MS4A12: variants seen among roughly 807,000 people sequenced by gnomAD.
The protein encoded by MS4A12 is membrane-spanning 4-domains subfamily A member 12.
MS4A12 carries 28 observed loss-of-function variants against 23.7 expected under a neutral mutation model. That is an observed-to-expected ratio of 1.18 (90% CI 0.88 to 1.62). The LOEUF is 1.62. MS4A12 is among the 40% of genes most tolerant of loss of function. The pLI, the probability that MS4A12 is intolerant of heterozygous loss-of-function variation, is 0.00. For synonymous variants in MS4A12, 108 were observed against 110.1 expected (o/e 0.98, Z 0.12); for missense variants, 342 against 327.0 (o/e 1.05, Z -0.35).
At chr11:60,505,656 G>A (rs1417012040) in intron 5 of MS4A12, among the ~76,000 whole-genome samples, 1 of 151,970 alleles carries the variant, frequency 6.6e-6, no homozygotes, top group Non-Finnish European at 1.5e-5. Flanking sequence ...AAGAAGGGAA[G>A]CCAAAAAAAA....
At chr11:60,504,072 G>C (rs145543512) in intron 5 of MS4A12, among the ~76,000 whole-genome samples, 1 of 152,162 alleles carries the variant, frequency 6.6e-6, no homozygotes, top group Admixed American at 6.6e-5. Context: ...GGAAGGGTTT[G>C]GATAGGCCTC....
chr11:60,494,257 A>G (rs1742423198), intron 1 of MS4A12, among the ~76,000 whole-genome samples: 1 of 152,226 alleles, frequency 6.6e-6, no homozygotes, highest in African/African-American at 2.4e-5. Flanking sequence ...TCTGGGTTCT[A>G]TGTGAAATTT....
intron 2 of MS4A12, 47 bp from the exon 3 acceptor site, chr11:60,500,998 G>A (rs763737052): frequency 1.9e-5 from 30 of 1,559,378 alleles, no homozygotes; most frequent in East Asian, 9.2e-5. Context: ...TGTTTCACAC[G>A]TCTGAAAGTG....
In MS4A12 at chr11:60,501,172, G is replaced by A; in HGVS notation, c.404G>A (p.Gly135Asp). The A allele has an allele frequency of 6.2e-7, 1 of 1,607,228 alleles. No homozygotes were observed. The highest frequency in any genetic ancestry group is 8.5e-7 in the Non-Finnish European group (1 of 1,178,002). The change falls in exon 3 of 7, where the codon GGT (glycine) becomes GAT (aspartate). Residue 135 changes from glycine to aspartate, a missense_variant. Physicochemically the swap from Gly to Asp is moderately conservative, Grantham distance 94 (BLOSUM62 -1). Coordinates refer to ENST00000016913, the MANE Select transcript of MS4A12 (RefSeq NM_017716.3). ...GTTATTGGTGGATACCCATTCTGGG[G>A]TGGCCTTTCTGTGAGTAGATTGCTA... The part of the protein sequence containing the change: ...TAVIGGYPFW[G>D]GLSFIISGSL...
chr11:60,499,511 T>G (rs973780337), intron 2 of MS4A12, among the ~76,000 whole-genome samples: 4 of 152,210 alleles, frequency 2.6e-5, no homozygotes, highest in African/African-American at 9.7e-5. Context: ...TTAAGTGAGA[T>G]AGGCTAAACG....
rs2086578725 is a variant in MS4A12, at chr11:60,507,310, AC to A, written c.*187del. On this transcript the variant is annotated 3_prime_UTR_variant, in exon 7 of 7. Coordinates refer to ENST00000016913, the MANE Select transcript of MS4A12 (RefSeq NM_017716.3). Reference sequence around the variant, plus strand: ...CACTGTCTCTTCCTACATTACCACTACTACATGCTGGCAAAGGTGAAGGATC... The same window carrying A: ...CACTGTCTCTTCCTACATTACCACTATACATGCTGGCAAAGGTGAAGGATC... The A allele has an allele frequency of 1.8e-6, 1 of 563,484 alleles. No homozygotes were observed. The highest frequency in any genetic ancestry group is 3.1e-6 in the Non-Finnish European group (1 of 318,926). 34.9% of individuals were successfully genotyped at this position (563,484 alleles called of 1,614,324 possible).
chr11:60,507,169 C>A lies in MS4A12; in HGVS notation c.*45C>A. On this transcript the variant is annotated 3_prime_UTR_variant, in exon 7 of 7. Coordinates refer to ENST00000016913, the MANE Select transcript of MS4A12 (RefSeq NM_017716.3). ...AGTCTAATCTCATGGAGAAAAACTA[C>A]TTGCAAAAACTTCTTAAGAAGATGT... is the stretch of plus-strand genomic sequence containing the variant. 7.1e-7 allele frequency: 1 copy of A among 1,398,844 alleles called. No individual in the cohort carries two copies. The highest frequency in any genetic ancestry group is 1.2e-5 in the South Asian group (1 of 84,700). 86.7% of individuals were successfully genotyped at this position (1,398,844 alleles called of 1,614,324 possible).
Position 60,502,163 on chromosome 11 carries a change from T to C in MS4A12, c.471+124T>C. On this transcript the variant is annotated intron_variant, in intron 4 of 6. Coordinates refer to ENST00000016913, the MANE Select transcript of MS4A12 (RefSeq NM_017716.3). ...AGCACCTTTCCCAAAAAAAATCTAT[T>C]GGTTGCCTTATGGTCTGAGCGCTGG... 5.1e-6 allele frequency: 5 copies of C among 982,682 alleles called. 1 individual carries two copies. In the South Asian group the frequency reaches 7.5e-5, roughly 15 times the overall value. 60.9% of individuals were successfully genotyped at this position (982,682 alleles called of 1,614,324 possible). A position where few individuals can be genotyped will look rare whatever the true frequency, so the allele number is the denominator to read the frequency against.
chr11:60,503,938 C>T, intron 5 of MS4A12, 121 bp downstream of exon 5: 1 of 783,930 alleles, frequency 1.3e-6, no homozygotes, highest in Non-Finnish European at 2.0e-6. Flanking sequence ...TATTCTAGCC[C>T]CACCCCTAGT....
In MS4A12 at chr11:60,507,255, T is replaced by A; in HGVS notation, c.*131T>A. On this transcript the variant is annotated 3_prime_UTR_variant, in exon 7 of 7. Coordinates refer to ENST00000016913, the MANE Select transcript of MS4A12 (RefSeq NM_017716.3). ...ACTGTGTTTGAGATTTGTTTTTAGG[T>A]TGGTCGCTAATGATGGCTGTATCTC... 1 of 738,154 alleles carries A rather than the reference T, an allele frequency of 1.4e-6. No individual in the cohort carries two copies. The highest frequency in any genetic ancestry group is 2.2e-6 in the Non-Finnish European group (1 of 448,798). The allele number at this position is 738,154 out of a possible 1,614,324, so 45.7% of individuals were successfully genotyped here.
At chr11:60,495,287 GA>G (rs560979577) in intron 1 of MS4A12, among the ~76,000 whole-genome samples, 9 of 146,568 alleles carry the variant, frequency 6.1e-5, no homozygotes, top group South Asian at 2.2e-4. Context: ...TTTCCATTTT[GA>G]AAAAAAAAAT....
At chr11:60,502,370 A>T (rs1413389782) in intron 4 of MS4A12, among the ~76,000 whole-genome samples, 1 of 152,234 alleles carries the variant, frequency 6.6e-6, no homozygotes. Context: ...TCCAGGAGCC[A>T]GGAAATACAT....
Position 60,506,754 on chromosome 11 carries a change from G to A in MS4A12, c.615G>A (p.Thr205=), listed in dbSNP as rs141480500. The A allele has an allele frequency of 1.1e-5, 18 of 1,613,974 alleles. No individual in the cohort carries two copies. The highest frequency in any genetic ancestry group is 1.6e-4 in the Middle Eastern group (1 of 6,084). ...AVLSGKGISA[T]LMIFSLLEFF... is the part of the protein sequence containing the mutation. ...TTTCTGGAAAAGGCATTTCAGCCAC[G>A]CTGATGATCTTCTCCCTCTTGGAGT... Residue 205 remains threonine (T), a synonymous_variant, in exon 6 of 7, where the codon ACG becomes ACA. Transcript: ENST00000016913.
Position 60,502,023 on chromosome 11 carries a change from A to T in MS4A12, c.455A>T (p.Glu152Val). The T allele has an allele frequency of 1.9e-6, 3 of 1,612,870 alleles. No homozygotes were observed. Among genetic ancestry groups the T allele is most frequent in the Non-Finnish European group, 2.5e-6 (3 of 1,178,868 alleles). The change falls in exon 4 of 7, where the codon GAG becomes GTG. Residue 152 changes from glutamate to valine, a missense_variant. Coordinates refer to ENST00000016913, the MANE Select transcript of MS4A12 (RefSeq NM_017716.3). ...TCTCTCTCTGTGTCAGCATCCAAGG[A>T]GCTTTCCCGTTGTCTGGTAAGTTAG... ...SGSLSVSASK[E>V]LSRCLVKGSL...
rs201589223 is a variant in MS4A12, at chr11:60,501,082, T to C, written c.314T>C (p.Phe105Ser). 69 of 1,612,604 alleles carry C rather than the reference T, an allele frequency of 4.3e-5. No individual in the cohort carries two copies. The African/African-American group carries it at 6.3e-4, about 15-fold the overall frequency. The change falls in exon 3 of 7, where the codon TTT (phenylalanine) becomes TCT (serine). Residue 105 changes from phenylalanine (F) to serine (S), a missense_variant. Transcript: ENST00000016913. Reference sequence around the variant, plus strand: ...ATGGTTGGATTGATGCACATTGGTTTTGGAATTGTTTTGTGTTTAATATCC... The same window carrying C: ...ATGGTTGGATTGATGCACATTGGTTCTGGAATTGTTTTGTGTTTAATATCC... ...QIMVGLMHIGFGIVLCLISFS... is the reference protein window; with the variant it reads ...QIMVGLMHIGSGIVLCLISFS...
At chr11:60,493,921 G>A (rs1311979950) in intron 1 of MS4A12, among the ~76,000 whole-genome samples, 3 of 152,146 alleles carry the variant, frequency 2.0e-5, no homozygotes, top group African/African-American at 7.2e-5. Flanking sequence ...TCTCATCAGA[G>A]CTCCAATATT....
At chr11:60,504,073 G>T (rs2086552537) in intron 5 of MS4A12, among the ~76,000 whole-genome samples, 1 of 152,178 alleles carries the variant, frequency 6.6e-6, no homozygotes, top group Non-Finnish European at 1.5e-5. Context: ...GAAGGGTTTG[G>T]ATAGGCCTCC....
intron 3 of MS4A12, 87 bp from the exon 4 acceptor site, chr11:60,501,896 A>G (rs1376255835): frequency 3.2e-6 from 4 of 1,265,300 alleles, no homozygotes; most frequent in Non-Finnish European, 4.5e-6. Context: ...CTAGATGAAC[A>G]TAAATAGACC....
chr11:60,492,906 G>A (rs2086459703), intron 1 of MS4A12, 78 bp downstream of exon 1: 1 of 152,164 alleles, frequency 6.6e-6, no homozygotes, highest in African/African-American at 2.4e-5. Context: ...ACCTGTGTGG[G>A]TTCTGTTCTC....
Sources: gnomAD v4.1 joint callset for allele counts (sites outside exome capture counted in the v4.1 genomes callset) on GRCh38, gnomAD v4.1.1 for gene constraint, MANE v1.5 for transcripts, NCBI Gene and HGNC (gene_info 2026-07-23, HGNC 2026-07-21) for gene names.